The following EYS variants were observed in gnomAD, a reference collection of about 807,000 sequenced individuals.
The protein encoded by EYS is EGF-like photoreceptor maintenance factor.
A neutral mutation model predicts 282.1 loss-of-function variants in EYS; 250 were observed. The ratio of observed to expected loss-of-function variants is 0.89; its 90% CI spans 0.80 to 0.98. The LOEUF (loss-of-function observed/expected upper bound fraction) is 0.98, where lower values mean the gene tolerates loss of function less well. Among genes scored for constraint, EYS ranks in the 50% least tolerant of loss-of-function variants. EYS has a pLI of 0.00. For synonymous variants in EYS, 1,355 were observed against 1,282.9 expected (o/e 1.06, Z -1.20); for missense variants, 4,016 against 3,709.0 (o/e 1.08, Z -2.15).
chr6:65,498,877 G>A (rs182003074), intron 2 of EYS, among the ~76,000 whole-genome samples: 3 of 152,026 alleles, frequency 2.0e-5, no homozygotes, highest in Admixed American at 6.6e-5. Flanking sequence ...CAAGCCAAAT[G>A]GCATTCTCCT....
chr6:64,000,168 C>CTTTTTTTTTT lies in EYS; in HGVS notation c.6726-995_6726-986dup, dbSNP rs71551553. On this transcript the variant is annotated intron_variant, in intron 33 of 42. Transcript: ENST00000503581. The stretch of plus-strand genomic sequence containing the variant: ...CTGAGGAGTTTCCCAAGACATGGGA[C>CTTTTTTTTTT]TTTTTTTTTTTTTTTTTTTTTTTTT... Among the ~76,000 whole-genome samples, 14 of 42,732 alleles carry CTTTTTTTTTT rather than the reference C, an allele frequency of 3.3e-4. 5 individuals carry two copies. Among genetic ancestry groups the CTTTTTTTTTT allele is most frequent in the African/African-American group, 6.1e-4 (7 of 11,406 alleles). The allele number at this position is 42,732 out of a possible 152,430, so 28.0% of individuals were successfully genotyped here. A position where few individuals can be genotyped will look rare whatever the true frequency, so the allele number is the denominator to read the frequency against.
At chr6:64,914,483 A>G (rs1768102143) in intron 15 of EYS, among the ~76,000 whole-genome samples, 1 of 152,110 alleles carries the variant, frequency 6.6e-6, no homozygotes, top group African/African-American at 2.4e-5. Context: ...ATATCTTACT[A>G]AAAGGAGGGG....
intron 22 of EYS, among the ~76,000 whole-genome samples, chr6:64,780,104 G>C (rs1037528064): frequency 6.6e-6 from 1 of 152,040 alleles, no homozygotes; most frequent in African/African-American, 2.4e-5. Flanking sequence ...ATCTCCATGT[G>C]AACATGAGCT....
intron 26 of EYS, among the ~76,000 whole-genome samples, chr6:64,515,662 A>T (rs991206461): frequency 6.6e-6 from 1 of 151,600 alleles, no homozygotes; most frequent in East Asian, 1.9e-4. Context: ...TGTACCTACA[A>T]ATGTCATTAT....
intron 35 of EYS, among the ~76,000 whole-genome samples, chr6:63,946,155 G>C (rs1765390988): frequency 6.6e-6 from 1 of 152,198 alleles, no homozygotes; most frequent in Admixed American, 6.5e-5. Flanking sequence ...AAGTGGCAGA[G>C]CTGGTCCTGG....
intron 12 of EYS, among the ~76,000 whole-genome samples, chr6:65,085,302 T>TC (rs1459548540): frequency 6.6e-6 from 1 of 152,180 alleles, no homozygotes; most frequent in Admixed American, 6.6e-5. Flanking sequence ...GCATTTGTGA[T>TC]TGATCTGAAG....
chr6:64,043,446 G>A (rs574207544), intron 33 of EYS, among the ~76,000 whole-genome samples: 123 of 152,344 alleles, frequency 8.1e-4, no homozygotes, highest in African/African-American at 2.8e-3. Context: ...AGCCAGGACC[G>A]CTACTTGATC....
chr6:65,420,446 C>T (rs1116349), intron 5 of EYS, among the ~76,000 whole-genome samples: 1 of 146,898 alleles, frequency 6.8e-6, no homozygotes, highest in African/African-American at 2.7e-5. Context: ...ACTTTTCATT[C>T]TAGTGTTCTT....
At chr6:64,941,416 G>A (rs1769087273) in intron 15 of EYS, among the ~76,000 whole-genome samples, 1 of 151,976 alleles carries the variant, frequency 6.6e-6, no homozygotes, top group Non-Finnish European at 1.5e-5. Context: ...TGGTTATTAA[G>A]CTTTTGGAAT....
intron 26 of EYS, among the ~76,000 whole-genome samples, chr6:64,451,574 C>G (rs1159133106): frequency 6.6e-6 from 1 of 152,112 alleles, no homozygotes; most frequent in Non-Finnish European, 1.5e-5. Flanking sequence ...AATTTTAGAC[C>G]AATATCCTTG....
intron 18 of EYS, among the ~76,000 whole-genome samples, chr6:64,889,152 TA>T (rs1456148968): frequency 6.6e-6 from 1 of 152,018 alleles, no homozygotes; most frequent in Non-Finnish European, 1.5e-5. Flanking sequence ...AGTAGTTTAC[TA>T]CTTAATTTAT....
At chr6:65,585,876 T>G (rs1237015961) in intron 2 of EYS, among the ~76,000 whole-genome samples, 1 of 152,006 alleles carries the variant, frequency 6.6e-6, no homozygotes, top group East Asian at 1.9e-4. Flanking sequence ...AACTACTCAA[T>G]ATGAATTTGC....
chr6:64,936,263 A>C (rs1029206142), intron 15 of EYS, among the ~76,000 whole-genome samples: 1 of 151,554 alleles, frequency 6.6e-6, no homozygotes, highest in Non-Finnish European at 1.5e-5. Flanking sequence ...AACAAAAAAA[A>C]CACTCAACAA....
rs1252901409 is a variant in EYS, at chr6:64,912,752, A to C, written c.2382-9T>G. ...CAGATGTACACTCACATCTGAAATAAAATATTAAAATTTTTAGAAGTGTGA... is the reference window on the plus strand; with the variant it reads ...CAGATGTACACTCACATCTGAAATACAATATTAAAATTTTTAGAAGTGTGA... On this transcript the variant is annotated splice_polypyrimidine_tract_variant and intron_variant, in intron 15 of 42. Transcript: ENST00000503581. 2.3e-6 allele frequency: 3 copies of C among 1,324,636 alleles called. No individual in the cohort carries two copies. The South Asian group carries it at 7.4e-5, about 33-fold the overall frequency. The allele number at this position is 1,324,636 out of a possible 1,614,324, so 82.1% of individuals were successfully genotyped here.
intron 12 of EYS, among the ~76,000 whole-genome samples, chr6:65,212,455 T>A (rs948883433): frequency 2.0e-5 from 3 of 152,140 alleles, no homozygotes; most frequent in Non-Finnish European, 4.4e-5. Context: ...TTTGGCCCAC[T>A]GTTTTCTTAA....
At chr6:64,520,082 G>C (rs917732914) in intron 26 of EYS, among the ~76,000 whole-genome samples, 2 of 151,788 alleles carry the variant, frequency 1.3e-5, no homozygotes, top group Non-Finnish European at 2.9e-5. Flanking sequence ...ACAGGTTTGT[G>C]CTGTCCTAGA....
intron 1 of EYS, among the ~76,000 whole-genome samples, chr6:65,675,328 G>C (rs897886740): frequency 5.9e-5 from 9 of 151,592 alleles, no homozygotes; most frequent in African/African-American, 2.2e-4. Flanking sequence ...AACAGATTAA[G>C]ATAAAAACCA....
intron 31 of EYS, among the ~76,000 whole-genome samples, chr6:64,146,712 A>G (rs943206687): frequency 1.3e-5 from 2 of 151,962 alleles, no homozygotes; most frequent in African/African-American, 2.4e-5. Flanking sequence ...ATTTCCCTCC[A>G]CTCCAGCTAA....
chr6:63,935,787 A>G (rs1765041003), intron 35 of EYS, among the ~76,000 whole-genome samples: 1 of 152,168 alleles, frequency 6.6e-6, no homozygotes, highest in South Asian at 2.1e-4. Context: ...TTGCAACAGT[A>G]CTCTGTTAAA....
Sources: gnomAD v4.1 joint callset for allele counts (sites outside exome capture counted in the v4.1 genomes callset) on GRCh38, gnomAD v4.1.1 for gene constraint, MANE v1.5 for transcripts, NCBI Gene and HGNC (gene_info 2026-07-23, HGNC 2026-07-21) for gene names.